Variants in PLPPR1 observed in about 807,000 individuals in gnomAD.
PLPPR1 encodes the protein phospholipid phosphatase related 1.
PLPPR1 carries 10 observed loss-of-function variants against 33.1 expected under a neutral mutation model. The observed-to-expected ratio is 0.30, with a 90% CI of 0.19 to 0.51. The LOEUF is 0.51. PLPPR1 is among the 20% of genes least tolerant of loss of function. The pLI, the probability that PLPPR1 is intolerant of heterozygous loss-of-function variation, is 0.97. For missense variants in PLPPR1, 304 were observed against 408.1 expected (o/e 0.74, Z 2.20); for synonymous variants, 151 against 151.0 (o/e 1.00, Z 0.00).
chr9:101,264,757 A>G (rs1827957317), intron 2 of PLPPR1, among the ~76,000 whole-genome samples: 1 of 152,108 alleles, frequency 6.6e-6, no homozygotes, highest in Non-Finnish European at 1.5e-5. Context: ...TGCTTGGTTC[A>G]TTGTTTGTGT....
At chr9:101,270,477 C>T (rs890194673) in intron 3 of PLPPR1, among the ~76,000 whole-genome samples, 1 of 152,166 alleles carries the variant, frequency 6.6e-6, no homozygotes, top group Non-Finnish European at 1.5e-5. Flanking sequence ...TAGAATCCCT[C>T]AGGCCGATAT....
chr9:101,210,802 C>G (rs908327518), intron 2 of PLPPR1, among the ~76,000 whole-genome samples: 4 of 152,208 alleles, frequency 2.6e-5, no homozygotes, highest in Non-Finnish European at 2.9e-5. Flanking sequence ...GAGTCTCGCT[C>G]TGTCGCCCAG....
chr9:101,155,474 G>A (rs1588050814), intron 1 of PLPPR1, among the ~76,000 whole-genome samples: 1 of 152,114 alleles, frequency 6.6e-6, no homozygotes, highest in African/African-American at 2.4e-5. Context: ...CTTTTACCAG[G>A]AACCCGCACC....
intron 1 of PLPPR1, among the ~76,000 whole-genome samples, chr9:101,037,207 A>C (rs1830020372): frequency 6.6e-6 from 1 of 152,142 alleles, no homozygotes; most frequent in African/African-American, 2.4e-5. Flanking sequence ...GAAGAACTGC[A>C]TACACATAAG....
At chr9:101,316,739 A>G (rs995135227) in intron 6 of PLPPR1, among the ~76,000 whole-genome samples, 3 of 152,162 alleles carry the variant, frequency 2.0e-5, no homozygotes, top group South Asian at 2.1e-4. Context: ...AAGAAAACTC[A>G]AGAGTTATCT....
chr9:101,109,220 G>T (rs962659584), intron 1 of PLPPR1, among the ~76,000 whole-genome samples: 3 of 149,150 alleles, frequency 2.0e-5, no homozygotes, highest in Non-Finnish European at 4.4e-5. Flanking sequence ...ACGATCCGCC[G>T]GCCTCGGCCT....
intron 1 of PLPPR1, among the ~76,000 whole-genome samples, chr9:101,085,111 C>T (rs1187827764): frequency 6.6e-6 from 1 of 152,158 alleles, no homozygotes; most frequent in African/African-American, 2.4e-5. Flanking sequence ...AATGGATAGC[C>T]ATGATCTCCT....
chr9:101,127,541 T>A (rs2118605688), intron 1 of PLPPR1, among the ~76,000 whole-genome samples: 1 of 152,222 alleles, frequency 6.6e-6, no homozygotes, highest in East Asian at 1.9e-4. Flanking sequence ...TTAGCTCTGC[T>A]ACTTGAGATA....
chr9:101,085,400 C>T (rs1830664014), intron 1 of PLPPR1, among the ~76,000 whole-genome samples: 1 of 152,142 alleles, frequency 6.6e-6, no homozygotes, highest in Middle Eastern at 3.2e-3. Context: ...GACTAATTCA[C>T]AGGGCTGCCT....
chr9:101,290,825 C>G (rs1378081388), intron 4 of PLPPR1, among the ~76,000 whole-genome samples: 1 of 152,224 alleles, frequency 6.6e-6, no homozygotes, highest in African/African-American at 2.4e-5. Flanking sequence ...CGAATAGGAA[C>G]AGCTCCAGTC....
intron 1 of PLPPR1, among the ~76,000 whole-genome samples, chr9:101,158,557 C>T (rs1352891280): frequency 6.6e-6 from 1 of 152,204 alleles, no homozygotes; most frequent in African/African-American, 2.4e-5. Context: ...AAAGGATAAA[C>T]TGTCAAGTCA....
At chr9:101,307,810 T>G (rs1053097213) in intron 4 of PLPPR1, among the ~76,000 whole-genome samples, 5 of 152,182 alleles carry the variant, frequency 3.3e-5, no homozygotes, top group East Asian at 3.9e-4. Flanking sequence ...AGCAGACTCT[T>G]GACATTTACA....
chr9:101,255,708 A>G (rs1337781306), intron 2 of PLPPR1, among the ~76,000 whole-genome samples: 4 of 152,178 alleles, frequency 2.6e-5, no homozygotes, highest in Non-Finnish European at 5.9e-5. Context: ...TTCAAAGATG[A>G]GTTCCTGAGG....
At chr9:101,304,913 C>T (rs1036772605) in intron 4 of PLPPR1, among the ~76,000 whole-genome samples, 24 of 152,056 alleles carry the variant, frequency 1.6e-4, no homozygotes, top group East Asian at 5.8e-4. Flanking sequence ...TCTTGGAATG[C>T]GAAATGCCCA....
chr9:101,303,249 G>T (rs557773581), intron 4 of PLPPR1, among the ~76,000 whole-genome samples: 11 of 152,076 alleles, frequency 7.2e-5, no homozygotes, highest in African/African-American at 2.7e-4. Context: ...CTCCCAAAGT[G>T]CTGGGATTAC....
intron 1 of PLPPR1, among the ~76,000 whole-genome samples, chr9:101,092,181 T>C (rs74605904): frequency 0.054 from 8,214 of 152,258 alleles, 402 homozygotes; most frequent in African/African-American, 0.12. Context: ...CTTGCTAAAG[T>C]CTACTTCTCT....
At chr9:101,045,963 T>C (rs1830138500) in intron 1 of PLPPR1, among the ~76,000 whole-genome samples, 1 of 152,160 alleles carries the variant, frequency 6.6e-6, no homozygotes, top group African/African-American at 2.4e-5. Flanking sequence ...ATCAGCAACA[T>C]CCTCCAGATA....
intron 1 of PLPPR1, among the ~76,000 whole-genome samples, chr9:101,116,270 C>T (rs1831116671): frequency 1.3e-5 from 2 of 152,140 alleles, no homozygotes; most frequent in Admixed American, 6.5e-5. Context: ...TGAATTTAGA[C>T]TAACTCTGCT....
chr9:101,132,631 G>C (rs1425288254), intron 1 of PLPPR1, among the ~76,000 whole-genome samples: 1 of 152,120 alleles, frequency 6.6e-6, no homozygotes, highest in Non-Finnish European at 1.5e-5. Context: ...TATAAGCCAA[G>C]AATGAACCCT....
Sources: gnomAD v4.1 joint callset for allele counts (sites outside exome capture counted in the v4.1 genomes callset) on GRCh38, gnomAD v4.1.1 for gene constraint, MANE v1.5 for transcripts, NCBI Gene and HGNC (gene_info 2026-07-23, HGNC 2026-07-21) for gene names.